LRRC28: variants seen among roughly 807,000 people sequenced by gnomAD.
The protein encoded by LRRC28 is leucine rich repeat containing 28.
LRRC28 carries 39 observed loss-of-function variants against 45.7 expected under a neutral mutation model. That is an observed-to-expected ratio of 0.85 (90% CI 0.66 to 1.12). The LOEUF (loss-of-function observed/expected upper bound fraction) is 1.12. LRRC28 is among the 50% of genes most tolerant of loss of function. LRRC28 has a pLI of 0.00. For missense variants in LRRC28, 435 were observed against 438.5 expected (o/e 0.99, Z 0.07); for synonymous variants, 206 against 178.8 (o/e 1.15, Z -1.22).
chr15:99,327,299 A>G (rs1385934979), intron 5 of LRRC28, among the ~76,000 whole-genome samples: 2 of 151,998 alleles, frequency 1.3e-5, no homozygotes, highest in Non-Finnish European at 2.9e-5. Context: ...GGTCTCAATC[A>G]CCTGACCTCA....
chr15:99,285,489 C>T, intron 3 of LRRC28: 1 of 1,037,482 alleles, frequency 9.6e-7, no homozygotes, highest in East Asian at 2.4e-5. Context: ...AGTGACTCCT[C>T]AGGCTCTCAT....
At chr15:99,278,828 A>G (rs2081695504) in intron 3 of LRRC28, among the ~76,000 whole-genome samples, 1 of 152,184 alleles carries the variant, frequency 6.6e-6, no homozygotes, top group Admixed American at 6.5e-5. Flanking sequence ...GTTGGCCAGG[A>G]CTGCAGTCTC....
intron 7 of LRRC28, among the ~76,000 whole-genome samples, chr15:99,359,193 A>G (rs1204471070): frequency 6.6e-6 from 1 of 152,234 alleles, no homozygotes. Flanking sequence ...AAATGTAGAT[A>G]CCATGAAGGA....
chr15:99,363,322 G>A, intron 9 of LRRC28, 57 bp downstream of exon 9: 1 of 1,587,100 alleles, frequency 6.3e-7, no homozygotes, highest in Admixed American at 1.7e-5. Context: ...TGGCAGGTGG[G>A]GAGGGGAGAG....
chr15:99,344,057 C>T (rs1956605084), intron 6 of LRRC28, among the ~76,000 whole-genome samples: 1 of 152,128 alleles, frequency 6.6e-6, no homozygotes, highest in Non-Finnish European at 1.5e-5. Flanking sequence ...AGCAGAGCTG[C>T]CTGGTTCTCT....
intron 1 of LRRC28, among the ~76,000 whole-genome samples, chr15:99,254,908 G>A (rs1319627920): frequency 2.0e-5 from 3 of 152,286 alleles, no homozygotes; most frequent in Admixed American, 2.0e-4. Flanking sequence ...CTGCATATTA[G>A]GCAACTGGAG....
intron 5 of LRRC28, among the ~76,000 whole-genome samples, chr15:99,319,249 T>A (rs897887339): frequency 3.9e-5 from 6 of 152,008 alleles, no homozygotes; most frequent in Admixed American, 3.3e-4. Context: ...GCTAACTCAG[T>A]AAAGAGAAAA....
intron 6 of LRRC28, among the ~76,000 whole-genome samples, chr15:99,347,375 A>AT (rs1004285481): frequency 4.6e-5 from 7 of 151,916 alleles, no homozygotes; most frequent in Non-Finnish European, 8.8e-5. Flanking sequence ...TGCCTGGCTA[A>AT]TTTTTTTGTA....
At chr15:99,343,141 A>C (rs961745556) in intron 6 of LRRC28, among the ~76,000 whole-genome samples, 3 of 152,236 alleles carry the variant, frequency 2.0e-5, no homozygotes, top group African/African-American at 7.2e-5. Flanking sequence ...GAACTATGAT[A>C]ATTGGTTTAA....
chr15:99,294,630 A>C (rs999249518), intron 5 of LRRC28, among the ~76,000 whole-genome samples: 1 of 152,148 alleles, frequency 6.6e-6, no homozygotes, highest in African/African-American at 2.4e-5. Context: ...CTGTGTTCTC[A>C]TGTGGTAGAA....
intron 5 of LRRC28, chr15:99,317,590 T>G (rs147773697): frequency 6.6e-6 from 1 of 152,336 alleles, no homozygotes; most frequent in Non-Finnish European, 1.5e-5. Context: ...TTACTTAAAG[T>G]TAATTTAAAA....
chr15:99,382,011 T>C (rs1957843084), intron 9 of LRRC28, among the ~76,000 whole-genome samples: 1 of 152,254 alleles, frequency 6.6e-6, no homozygotes, highest in African/African-American at 2.4e-5. Context: ...CTGTCCGTTC[T>C]CAGATCTCAA....
At chr15:99,369,382 G>A (rs963768408) in intron 9 of LRRC28, among the ~76,000 whole-genome samples, 1 of 152,154 alleles carries the variant, frequency 6.6e-6, no homozygotes, top group African/African-American at 2.4e-5. Context: ...CATTGAAAGA[G>A]AGAGAATGAC....
chr15:99,376,979 A>G (rs1957657654), intron 9 of LRRC28, among the ~76,000 whole-genome samples: 2 of 152,164 alleles, frequency 1.3e-5, no homozygotes, highest in South Asian at 2.1e-4. Context: ...AGTCTTTGCT[A>G]TTGTGAATAG....
intron 9 of LRRC28, among the ~76,000 whole-genome samples, chr15:99,378,295 C>G (rs1957706790): frequency 6.6e-6 from 1 of 152,160 alleles, no homozygotes; most frequent in African/African-American, 2.4e-5. Flanking sequence ...ATTTTATTCT[C>G]TTTGAAGCAA....
intron 2 of LRRC28, among the ~76,000 whole-genome samples, chr15:99,267,662 T>G (rs1222632422): frequency 6.6e-6 from 1 of 152,222 alleles, no homozygotes; most frequent in Non-Finnish European, 1.5e-5. Context: ...TGTTTGTAAG[T>G]AAATGTGGTA....
intron 2 of LRRC28, among the ~76,000 whole-genome samples, chr15:99,275,166 T>C (rs2081584758): frequency 1.3e-5 from 2 of 152,252 alleles, no homozygotes; most frequent in Admixed American, 6.5e-5. Flanking sequence ...GTATGCAGAC[T>C]GGCTTTCAGT....
intron 9 of LRRC28, among the ~76,000 whole-genome samples, chr15:99,372,769 C>T (rs535464044): frequency 2.6e-5 from 4 of 152,234 alleles, no homozygotes; most frequent in Non-Finnish European, 5.9e-5. Context: ...TTAGTCCGTT[C>T]TTATGCTGCT....
intron 3 of LRRC28, among the ~76,000 whole-genome samples, chr15:99,277,055 T>C (rs912650496): frequency 6.6e-6 from 1 of 152,204 alleles, no homozygotes; most frequent in African/African-American, 2.4e-5. Context: ...TATGATTACC[T>C]TCAAATGCTA....
Sources: allele counts gnomAD v4.1 joint callset (sites outside exome capture counted in the v4.1 genomes callset), GRCh38; gene constraint gnomAD v4.1.1; transcripts MANE v1.5; gene names NCBI Gene and HGNC (gene_info 2026-07-23, HGNC 2026-07-21).